Variants in SLC12A7 observed in about 807,000 individuals in gnomAD.
The protein encoded by SLC12A7 is solute carrier family 12 member 7.
SLC12A7 carries 100 observed loss-of-function variants against 120.6 expected under a neutral mutation model. The observed-to-expected ratio is 0.83, with a 90% CI of 0.71 to 0.98. The LOEUF (loss-of-function observed/expected upper bound fraction) is 0.98, where lower values mean the gene tolerates loss of function less well. Among genes scored for constraint, SLC12A7 ranks in the 50% least tolerant of loss-of-function variants. The pLI is 0.00. For synonymous variants in SLC12A7, 760 were observed against 678.0 expected (o/e 1.12, Z -1.88); for missense variants, 1,373 against 1,548.1 (o/e 0.89, Z 1.90).
the SLC12A7 span, among the ~76,000 whole-genome samples, chr5:1,137,024 C>T: frequency 3.4e-3 from 515 of 152,208 alleles, 4 homozygotes; most frequent in African/African-American, 0.012. Context: ...GCAGGACACA[C>T]ACACGTGCTC....
chr5:1,138,634 A>G, the SLC12A7 span, among the ~76,000 whole-genome samples: 2 of 152,166 alleles, frequency 1.3e-5, no homozygotes, highest in Non-Finnish European at 2.9e-5. Context: ...TCTTTACCCC[A>G]CATGCAAAGA....
intron 11 of SLC12A7, among the ~76,000 whole-genome samples, chr5:1,078,331 C>A (rs1291506218): frequency 2.0e-5 from 3 of 152,134 alleles, no homozygotes; most frequent in Non-Finnish European, 4.4e-5. Flanking sequence ...CAGACACGCA[C>A]ACCCCATGAG....
the SLC12A7 span, among the ~76,000 whole-genome samples, chr5:1,127,206 G>A: frequency 6.6e-6 from 1 of 152,176 alleles, no homozygotes; most frequent in Non-Finnish European, 1.5e-5. Context: ...GTAGAGACGG[G>A]GTTTCACTGT....
the SLC12A7 span, among the ~76,000 whole-genome samples, chr5:1,117,793 C>T: frequency 2.6e-5 from 4 of 152,202 alleles, no homozygotes; most frequent in Admixed American, 6.5e-5. This position sits in a 1 kb window ranked among gnomAD's most constrained non-coding sequence, Gnocchi z 4.5. Context: ...TGATCCCTGC[C>T]GGGCGCGGTA....
the SLC12A7 span, among the ~76,000 whole-genome samples, chr5:1,119,816 G>T: frequency 6.6e-6 from 1 of 152,260 alleles, no homozygotes; most frequent in African/African-American, 2.4e-5. Flanking sequence ...GTCCTGTGAT[G>T]GGCAGGCTGG....
intron 1 of SLC12A7, among the ~76,000 whole-genome samples, chr5:1,104,306 C>A (rs1447660484): frequency 6.6e-6 from 1 of 152,234 alleles, no homozygotes; most frequent in East Asian, 1.9e-4. Flanking sequence ...GAAACTGAGG[C>A]ACAGAGCAAA....
chr5:1,057,309 C>A, intron 22 of SLC12A7, 162 bp downstream of exon 22: 1 of 688,878 alleles, frequency 1.5e-6, no homozygotes, highest in African/African-American at 1.8e-5. Flanking sequence ...ACCAAAAGGA[C>A]CCCTCAGTGC....
At chr5:1,131,414 G>A in the SLC12A7 span, among the ~76,000 whole-genome samples, 1 of 152,198 alleles carries the variant, frequency 6.6e-6, no homozygotes, top group Non-Finnish European at 1.5e-5. Context: ...CAGGCAGATG[G>A]TTCCAGAAAC....
the SLC12A7 span, among the ~76,000 whole-genome samples, chr5:1,135,577 GAC>G: frequency 6.6e-6 from 1 of 152,234 alleles, no homozygotes; most frequent in East Asian, 1.9e-4. Context: ...GGGGTACAAA[GAC>G]AGCTCCAAAA....
intron 23 of SLC12A7, 49 bp downstream of exon 23, chr5:1,053,300 C>T (rs944579131): frequency 6.3e-6 from 10 of 1,589,670 alleles, no homozygotes; most frequent in Non-Finnish European, 8.6e-6. Context: ...AGCGAGAAGC[C>T]ACCAGGGGGT....
rs377715600 is a variant in SLC12A7, at chr5:1,078,770, G to A, written c.1397-12C>T. 4.4e-5 allele frequency: 69 copies of A among 1,580,538 alleles called. No individual in the cohort carries two copies. The highest frequency in any genetic ancestry group is 1.3e-4 in the African/African-American group (9 of 71,434). Reference sequence around the variant, plus strand: ...AATGCAGGAGAGATCCACAGCCCTCGTCAAGGAAAGGCAGGTCCGTGGGTG... The same window carrying A: ...AATGCAGGAGAGATCCACAGCCCTCATCAAGGAAAGGCAGGTCCGTGGGTG... On this transcript the variant is annotated splice_polypyrimidine_tract_variant and intron_variant, in intron 10 of 23. Transcript: ENST00000264930.
upstream of SLC12A7, among the ~76,000 whole-genome samples, chr5:1,113,544 G>A (rs1394176455): frequency 6.6e-6 from 1 of 152,138 alleles, no homozygotes; most frequent in African/African-American, 2.4e-5. Flanking sequence ...GCAGAGGTGG[G>A]GGTTCCTCTG....
Position 1,088,295 on chromosome 5 carries a change from G to A in SLC12A7, c.544+11C>T, listed in dbSNP as rs1270641834. On this transcript the variant is annotated intron_variant, in intron 5 of 23. Coordinates refer to ENST00000264930, the MANE Select transcript of SLC12A7 (RefSeq NM_006598.3). ...CAGGACTCAGGGCCGCGGCTGGCGG[G>A]CACCCCTTACCTGGGACCACACCGT... is the stretch of plus-strand genomic sequence containing the variant. 1.3e-6 allele frequency: 2 copies of A among 1,581,142 alleles called. No homozygotes were observed. The highest frequency in any genetic ancestry group is 1.7e-4 in the Middle Eastern group (1 of 6,048).
At chr5:1,140,709 C>T in the SLC12A7 span, among the ~76,000 whole-genome samples, 5 of 152,254 alleles carry the variant, frequency 3.3e-5, no homozygotes, top group East Asian at 1.9e-4. Context: ...GGCGCAAGGG[C>T]GGAGCCCAGG....
intron 20 of SLC12A7, among the ~76,000 whole-genome samples, chr5:1,061,881 G>A (rs904199242): frequency 2.0e-5 from 3 of 152,188 alleles, no homozygotes; most frequent in African/African-American, 7.2e-5. Context: ...AGAATTGCCT[G>A]AACCCAGGAG....
upstream of SLC12A7, among the ~76,000 whole-genome samples, chr5:1,115,677 C>T (rs930697489): frequency 2.8e-4 from 42 of 152,232 alleles, no homozygotes; most frequent in African/African-American, 9.6e-4. Context: ...TGGAGGAGGC[C>T]GGCCCTGGAG....
rs746220746 is a variant in SLC12A7, at chr5:1,087,012, A to G, written c.566T>C (p.Ile189Thr). 6 of 1,612,472 alleles carry G rather than the reference A, an allele frequency of 3.7e-6. No individual in the cohort carries two copies. The highest frequency in any genetic ancestry group is 5.1e-6 in the Non-Finnish European group (6 of 1,179,882). Residue 189 changes from isoleucine to threonine, a missense_variant, in exon 6 of 24, where the codon ATA (isoleucine) becomes ACA (threonine). Transcript: ENST00000264930. ...VVPAGGSYYM[I>T]SRSLGPEFGG... ...AAACTCGGGTCCCAGCGAGCGCGAT[A>G]TCATGTAGTAGGACCCGCCAGCTGC...
chr5:1,080,538 G>A (rs144188484), intron 9 of SLC12A7, among the ~76,000 whole-genome samples: 1,857 of 152,360 alleles, frequency 0.012, 45 homozygotes, highest in African/African-American at 0.043. Context: ...AAGTCCGGGA[G>A]CAGACGTGGG....
the SLC12A7 span, among the ~76,000 whole-genome samples, chr5:1,125,331 A>G: frequency 6.6e-6 from 1 of 152,186 alleles, no homozygotes; most frequent in Non-Finnish European, 1.5e-5. Flanking sequence ...ATACAGAAAC[A>G]TCACTTCATG....
Sources: gnomAD v4.1 joint callset for allele counts (sites outside exome capture counted in the v4.1 genomes callset) on GRCh38, gnomAD v4.1.1 for gene constraint, Gnocchi (gnomAD v3.1) non-coding constraint, MANE v1.5 for transcripts, NCBI Gene and HGNC (gene_info 2026-07-23, HGNC 2026-07-21) for gene names.